CLSTN2: variants seen among roughly 807,000 people sequenced by gnomAD.
CLSTN2 encodes calsyntenin 2, also known as calsyntenin-2.
Under a neutral mutation model 101.2 loss-of-function variants are expected in CLSTN2, and 48 were observed. The ratio of observed to expected loss-of-function variants is 0.47; its 90% CI spans 0.38 to 0.60. The LOEUF (loss-of-function observed/expected upper bound fraction) is 0.60. Among genes scored for constraint, CLSTN2 ranks in the 20% least tolerant of loss-of-function variants. The pLI is 0.00. For missense variants in CLSTN2, 1,160 were observed against 1,238.2 expected (o/e 0.94, Z 0.95); for synonymous variants, 481 against 463.6 (o/e 1.04, Z -0.48).
intron 9 of CLSTN2, among the ~76,000 whole-genome samples, chr3:140,536,414 ATAGCATGATC>A (rs1935360040): frequency 6.6e-6 from 1 of 152,166 alleles, no homozygotes; most frequent in Admixed American, 6.5e-5. Flanking sequence ...CTGCAAGACC[ATAGCATGATC>A]TAGTTTCTGT....
chr3:140,167,111 C>T (rs1441832578), intron 1 of CLSTN2, among the ~76,000 whole-genome samples: 1 of 152,150 alleles, frequency 6.6e-6, no homozygotes, highest in Non-Finnish European at 1.5e-5. Flanking sequence ...CTCCAGCATC[C>T]CATGAAGCCA....
At chr3:140,345,668 G>T (rs985024281) in intron 2 of CLSTN2, among the ~76,000 whole-genome samples, 5 of 146,692 alleles carry the variant, frequency 3.4e-5, no homozygotes, top group Non-Finnish European at 7.4e-5. Context: ...GGCCGTGCAT[G>T]TGTGTAAAGG....
chr3:140,079,122 C>G (rs563801701), intron 1 of CLSTN2, among the ~76,000 whole-genome samples: 1 of 152,224 alleles, frequency 6.6e-6, no homozygotes, highest in East Asian at 1.9e-4. Context: ...CAGGTGACAT[C>G]ATGTCTATTT....
intron 1 of CLSTN2, among the ~76,000 whole-genome samples, chr3:140,006,614 C>T (rs1371510703): frequency 2.6e-5 from 4 of 152,212 alleles, no homozygotes; most frequent in Non-Finnish European, 5.9e-5. Flanking sequence ...CCTAGTCAAG[C>T]ATGGCTGTCT....
chr3:140,187,341 A>G (rs1280583313), intron 2 of CLSTN2, among the ~76,000 whole-genome samples: 1 of 151,980 alleles, frequency 6.6e-6, no homozygotes, highest in Non-Finnish European at 1.5e-5. Context: ...GCTTGTTACT[A>G]TAATGCTGTC....
At chr3:140,472,866 T>C (rs905873988) in intron 8 of CLSTN2, among the ~76,000 whole-genome samples, 1 of 152,178 alleles carries the variant, frequency 6.6e-6, no homozygotes, top group Non-Finnish European at 1.5e-5. Context: ...ACCTAGTCTC[T>C]CTTTATTTCC....
At chr3:140,431,521 C>T (rs1248833335) in intron 5 of CLSTN2, among the ~76,000 whole-genome samples, 2 of 152,206 alleles carry the variant, frequency 1.3e-5, no homozygotes, top group Admixed American at 6.5e-5. Flanking sequence ...CAGCTTCTTC[C>T]TCTACCCTCA....
chr3:140,131,144 T>A (rs16849951), intron 1 of CLSTN2, among the ~76,000 whole-genome samples: 1,827 of 152,114 alleles, frequency 0.012, 36 homozygotes, highest in African/African-American at 0.041. Context: ...ATCTGTGTCA[T>A]GGCATTTAGT....
chr3:140,424,113 A>T (rs1422390682), intron 5 of CLSTN2, among the ~76,000 whole-genome samples: 1 of 152,218 alleles, frequency 6.6e-6, no homozygotes, highest in African/African-American at 2.4e-5. Context: ...TAGTGGCAGA[A>T]GCTGACAATG....
intron 1 of CLSTN2, among the ~76,000 whole-genome samples, chr3:140,140,020 T>C (rs1316447292): frequency 1.3e-5 from 2 of 152,144 alleles, no homozygotes; most frequent in Non-Finnish European, 2.9e-5. Flanking sequence ...TGCATCAACA[T>C]CATTCAGAGG....
intron 2 of CLSTN2, among the ~76,000 whole-genome samples, chr3:140,247,862 A>G (rs2086530227): frequency 6.6e-6 from 1 of 152,214 alleles, no homozygotes; most frequent in African/African-American, 2.4e-5. Context: ...CTTCACAGGT[A>G]AAGACTTTCC....
At chr3:140,244,628 T>C (rs1443869927) in intron 2 of CLSTN2, among the ~76,000 whole-genome samples, 2 of 152,216 alleles carry the variant, frequency 1.3e-5, no homozygotes, top group Admixed American at 6.5e-5. Context: ...AGTTTATTGA[T>C]GTAAACTTAA....
chr3:140,505,888 C>T (rs183638589), intron 8 of CLSTN2: 4 of 152,198 alleles, frequency 2.6e-5, no homozygotes, highest in Non-Finnish European at 4.4e-5. Context: ...GTTTAATACA[C>T]TGGAGTCCTC....
intron 2 of CLSTN2, among the ~76,000 whole-genome samples, chr3:140,385,950 A>T (rs1479197817): frequency 6.6e-6 from 1 of 152,094 alleles, no homozygotes; most frequent in African/African-American, 2.4e-5. Flanking sequence ...AAATGGCCCT[A>T]TTTGGATCTG....
chr3:140,512,650 A>C (rs1257491862), intron 8 of CLSTN2, among the ~76,000 whole-genome samples: 3 of 133,230 alleles, frequency 2.3e-5, no homozygotes, highest in African/African-American at 7.6e-5. Context: ...TTTCGTGAAG[A>C]ATGTCAATGG....
At chr3:140,309,720 A>C (rs1301186036) in intron 2 of CLSTN2, among the ~76,000 whole-genome samples, 1 of 152,010 alleles carries the variant, frequency 6.6e-6, no homozygotes, top group Non-Finnish European at 1.5e-5. Flanking sequence ...GCCCTACCAG[A>C]AATTATTCCC....
At chr3:139,977,751 A>G (rs960509959) in intron 1 of CLSTN2, among the ~76,000 whole-genome samples, 2 of 152,178 alleles carry the variant, frequency 1.3e-5, no homozygotes, top group African/African-American at 4.8e-5. Flanking sequence ...CAGCCTGGGC[A>G]TTGCAGAAGA....
intron 1 of CLSTN2, among the ~76,000 whole-genome samples, chr3:140,046,114 G>A (rs1294204815): frequency 1.3e-5 from 2 of 152,168 alleles, no homozygotes; most frequent in Non-Finnish European, 2.9e-5. Flanking sequence ...ATAGTGGGGT[G>A]TTAAAGTCTC....
At chr3:139,942,732 A>G (rs983389120) in intron 1 of CLSTN2, among the ~76,000 whole-genome samples, 2 of 152,164 alleles carry the variant, frequency 1.3e-5, no homozygotes, top group Non-Finnish European at 2.9e-5. Flanking sequence ...GCAGCAGATC[A>G]AAAATCAGGA....
Sources: gnomAD v4.1 joint callset for allele counts (sites outside exome capture counted in the v4.1 genomes callset) on GRCh38, gnomAD v4.1.1 for gene constraint, MANE v1.5 for transcripts, NCBI Gene and HGNC (gene_info 2026-07-23, HGNC 2026-07-21) for gene names.